Variants in PLCG1 observed in about 807,000 individuals in gnomAD.
The protein encoded by PLCG1 is 1-phosphatidylinositol 4,5-bisphosphate phosphodiesterase gamma-1.
PLCG1 carries 71 observed loss-of-function variants against 177.8 expected under a neutral mutation model. The ratio of observed to expected loss-of-function variants is 0.40; its 90% CI spans 0.33 to 0.49. The LOEUF (loss-of-function observed/expected upper bound fraction) is 0.49, where lower values mean the gene tolerates loss of function less well. Among genes scored for constraint, PLCG1 ranks in the 20% least tolerant of loss-of-function variants. The probability of loss-of-function intolerance (pLI) is 0.72; values close to 1 mark genes in which losing one functional copy is unlikely to be tolerated. For synonymous variants in PLCG1, 658 were observed against 647.9 expected, an observed-to-expected ratio of 1.02 and a Z score of -0.24; for missense variants, 1,281 against 1,709.0, an observed-to-expected ratio of 0.75 and a Z score of 4.42.
At position 41,172,808 on chromosome 20, in the gene PLCG1, G is replaced by A. The variant is rs746637044; in HGVS notation, c.3210G>A (p.Arg1070=). Residue 1070 remains arginine (R), a synonymous_variant, in exon 27 of 32, where the codon CGG becomes CGA. Coordinates refer to ENST00000685551, the MANE Select transcript of PLCG1 (RefSeq NM_002660.3). The surrounding 1 kb of genome is among the most constrained non-coding windows in gnomAD (Gnocchi z 7.0). The stretch of plus-strand genomic sequence containing the variant: ...ACGTGCTGCAGCCAAGCACCATGCG[G>A]GATGAGGCCTTCGACCCCTTTGACA... ...CGYVLQPSTM[R]DEAFDPFDKS... is the part of the protein sequence containing the mutation. 2 of 1,614,200 alleles carry A rather than the reference G, an allele frequency of 1.2e-6. No individual in the cohort carries two copies. The highest frequency in any genetic ancestry group is 1.1e-5 in the South Asian group (1 of 91,080).
Position 41,153,157 on chromosome 20 carries a change from A to G in PLCG1, c.218-6449A>G, listed in dbSNP as rs1842558437. Among the ~76,000 whole-genome samples the G allele has an allele frequency of 6.6e-6, 1 of 152,176 alleles. No homozygotes were observed. Among genetic ancestry groups the G allele is most frequent in the Non-Finnish European group, 1.5e-5 (1 of 68,036 alleles). ...TCTTTAGATTTTAAAGAGACCTTTC[A>G]TATTTACTATGAGTTGCAGTTTTTT... is the stretch of plus-strand genomic sequence containing the variant. On this transcript the variant is annotated intron_variant, in intron 1 of 31. Transcript: ENST00000685551. This position sits in a 1 kb window ranked among gnomAD's most constrained non-coding sequence, Gnocchi z 5.1.
At chr20:41,141,347 A>G (rs749060932) in intron 1 of PLCG1, among the ~76,000 whole-genome samples, 3 of 152,342 alleles carry the variant, frequency 2.0e-5, no homozygotes, top group Non-Finnish European at 2.9e-5. Context: ...AAAACAGGCA[A>G]TGACAATTGT....
chr20:41,162,411 G>A (rs1334899081), intron 4 of PLCG1, 41 bp from the exon 5 acceptor site: 2 of 1,507,226 alleles, frequency 1.3e-6, no homozygotes, highest in Admixed American at 1.7e-5. Context: ...GAGGTCATGA[G>A]AAGCTGGATG....
Position 41,172,127 on chromosome 20 carries a change from G to A in PLCG1, c.2809-66G>A. ...TGCAGTGTGGGCATGCCCAAGGTTG[G>A]CAGGGGCTTCCTTCTCCTGGGCAGG... On this transcript the variant is annotated intron_variant, in intron 24 of 31. Transcript: ENST00000685551. The surrounding 1 kb of genome is among the most constrained non-coding windows in gnomAD (Gnocchi z 7.0). 1 of 1,296,756 alleles carries A rather than the reference G, an allele frequency of 7.7e-7. No individual in the cohort carries two copies. The highest frequency in any genetic ancestry group is 1.1e-6 in the Non-Finnish European group (1 of 890,518). The allele number at this position is 1,296,756 out of a possible 1,614,324, so 80.3% of individuals were successfully genotyped here.
chr20:41,171,530 T>G (rs2035894947), intron 24 of PLCG1, among the ~76,000 whole-genome samples: 1 of 133,006 alleles, frequency 7.5e-6, no homozygotes, highest in Non-Finnish European at 1.5e-5. Context: ...GAGATTGCAG[T>G]GAGCCGAGAT....
rs2035543310 is a variant in PLCG1 at position 41,162,546 on chromosome 20, A to C, written c.597+10A>C. The stretch of plus-strand genomic sequence containing the variant: ...CCGAGAGCGGCTGACGGTAAGTGCC[A>C]CCCAGGGCTGTCTGTAGATGGGGGC... On this transcript the variant is annotated intron_variant, in intron 5 of 31. Transcript: ENST00000685551. 1 of 1,612,310 alleles carries C rather than the reference A, an allele frequency of 6.2e-7. No homozygotes were observed.
Position 41,159,202 on chromosome 20 carries a change from C to T in PLCG1, c.218-404C>T, listed in dbSNP as rs2035415118. On this transcript the variant is annotated intron_variant, in intron 1 of 31. Coordinates refer to ENST00000685551, the MANE Select transcript of PLCG1 (RefSeq NM_002660.3). This position sits in a 1 kb window ranked among gnomAD's most constrained non-coding sequence, Gnocchi z 6.0. ...CCAGGGATCCTGAGGCCCATCTTGACCTACCCAGCCCTGCCTCTGGGACTT... is the reference window on the plus strand; with the variant it reads ...CCAGGGATCCTGAGGCCCATCTTGATCTACCCAGCCCTGCCTCTGGGACTT... 6.6e-6 allele frequency among the ~76,000 whole-genome samples: 1 copy of T among 152,210 alleles called. No individual in the cohort carries two copies. Among genetic ancestry groups the T allele is most frequent in the Non-Finnish European group, 1.5e-5 (1 of 68,034 alleles).
chr20:41,149,121 T>A (rs1227306540), intron 1 of PLCG1, among the ~76,000 whole-genome samples: 4 of 152,248 alleles, frequency 2.6e-5, no homozygotes, highest in African/African-American at 4.8e-5. Flanking sequence ...CAGATGCTGC[T>A]GTTGCTCATC....
At chr20:41,161,512 A>G (rs1260638704) in intron 4 of PLCG1, among the ~76,000 whole-genome samples, 2 of 152,166 alleles carry the variant, frequency 1.3e-5, no homozygotes, top group East Asian at 1.9e-4. Flanking sequence ...AGTTGCAACC[A>G]GAAGGCCTCT....
rs755268015 is a variant in PLCG1 at position 41,169,157 on chromosome 20, C to T, written c.2562C>T (p.Ala854=). ...NYVEEMVNPV[A]LEPEREHLDE... is the part of the protein sequence containing the mutation. ...TGGAAGAGATGGTCAACCCCGTGGCCCTGGAGCCGGAGAGGGAGGTAAGAC... is the reference window on the plus strand; with the variant it reads ...TGGAAGAGATGGTCAACCCCGTGGCTCTGGAGCCGGAGAGGGAGGTAAGAC... Residue 854 remains alanine (A), a synonymous_variant, in exon 22 of 32, where the codon GCC becomes GCT. Coordinates refer to ENST00000685551, the MANE Select transcript of PLCG1 (RefSeq NM_002660.3). 2 of 1,612,942 alleles carry T rather than the reference C, an allele frequency of 1.2e-6. No homozygotes were observed. The highest frequency in any genetic ancestry group is 2.7e-5 in the African/African-American group (2 of 74,892).
At position 41,167,672 on chromosome 20, in the gene PLCG1, G is replaced by C. The variant is rs1216421952; in HGVS notation, c.2302-180G>C. 1.7e-6 allele frequency: 1 copy of C among 596,762 alleles called. No individual in the cohort carries two copies. The highest frequency in any genetic ancestry group is 3.0e-6 in the Non-Finnish European group (1 of 333,816). 37.0% of individuals were successfully genotyped at this position (596,762 alleles called of 1,614,324 possible). A position where few individuals can be genotyped will look rare whatever the true frequency, so the allele number is the denominator to read the frequency against. ...CATGTAAGAATGTGAAGAAAGGAAA[G>C]GGAACAGTGAGGCCGGGCCTGAGGC... On this transcript the variant is annotated intron_variant, in intron 19 of 31. Coordinates refer to ENST00000685551, the MANE Select transcript of PLCG1 (RefSeq NM_002660.3). The surrounding 1 kb of genome is among the most constrained non-coding windows in gnomAD (Gnocchi z 4.4).
chr20:41,162,926 G>T, intron 6 of PLCG1, 32 bp from the exon 7 acceptor site: 1 of 1,609,222 alleles, frequency 6.2e-7, no homozygotes, highest in Non-Finnish European at 8.5e-7. Context: ...CCTCCCAGGG[G>T]TCTTGCCCTG....
At chr20:41,161,017 C>CA (rs2035477667) in intron 4 of PLCG1, among the ~76,000 whole-genome samples, 1 of 152,092 alleles carries the variant, frequency 6.6e-6, no homozygotes, top group African/African-American at 2.4e-5. Context: ...AGTTTAGGTA[C>CA]ATACACAGTA....
rs998489862 is a variant in PLCG1 at position 41,176,713 on chromosome 20, A to G, written c.*2204A>G. On this transcript the variant is annotated 3_prime_UTR_variant, in exon 32 of 32. Coordinates refer to ENST00000685551, the MANE Select transcript of PLCG1 (RefSeq NM_002660.3). ...TGCAAATGTTTTGATTGTTCTTCCT[A>G]GTGGAAAACGTGCCAACTCTCAAGC... The G allele has an allele frequency of 6.6e-6, 1 of 152,096 alleles. No individual in the cohort carries two copies. Among genetic ancestry groups the G allele is most frequent in the East Asian group, 1.9e-4 (1 of 5,190 alleles). 9.4% of individuals were successfully genotyped at this position (152,096 alleles called of 1,614,324 possible).
chr20:41,170,132 A>C lies in PLCG1; in HGVS notation c.2671A>C (p.Asn891His). 6.2e-7 allele frequency: 1 copy of C among 1,613,472 alleles called. No individual in the cohort carries two copies. The highest frequency in any genetic ancestry group is 8.5e-7 in the Non-Finnish European group (1 of 1,179,592). The change falls in exon 24 of 32, where the codon AAC becomes CAC. Residue 891 changes from asparagine (N) to histidine (H), a missense_variant. Asn to His is a moderately conservative substitution (Grantham distance 68). Coordinates refer to ENST00000685551, the MANE Select transcript of PLCG1 (RefSeq NM_002660.3). ...CQIAIRPEGK[N>H]NRLFVFSISM... ...CCCAGCCATCCGTCCTGAGGGCAAGAACAACCGGCTCTTCGTCTTCTCCAT... is the reference window on the plus strand; with the variant it reads ...CCCAGCCATCCGTCCTGAGGGCAAGCACAACCGGCTCTTCGTCTTCTCCAT...
chr20:41,165,467 C>T lies in PLCG1; in HGVS notation c.1527C>T (p.Tyr509=), dbSNP rs1172141557. The change falls in exon 15 of 32, where the codon TAC becomes TAT. Residue 509 remains tyrosine (Y), a synonymous_variant. Coordinates refer to ENST00000685551, the MANE Select transcript of PLCG1 (RefSeq NM_002660.3). This position sits in a 1 kb window ranked among gnomAD's most constrained non-coding sequence, Gnocchi z 6.6. ...DPVNHEWYPH[Y]FVLTSSKIYY... is the part of the protein sequence containing the mutation. The stretch of plus-strand genomic sequence containing the variant: ...TGTTCCAGGAATGGTATCCCCACTA[C>T]TTTGTTCTGACCAGCAGCAAGATCT... The T allele has an allele frequency of 6.2e-7, 1 of 1,614,090 alleles. No homozygotes were observed. Among genetic ancestry groups the T allele is most frequent in the Non-Finnish European group, 8.5e-7 (1 of 1,179,974 alleles).
At chr20:41,162,385 C>A in intron 4 of PLCG1, 67 bp from the exon 5 acceptor site, 1 of 1,271,418 alleles carries the variant, frequency 7.9e-7, no homozygotes, top group Non-Finnish European at 1.1e-6. Flanking sequence ...CCCAGGTGGG[C>A]TCGACCCACA....
chr20:41,161,887 T>A (rs2035510328), intron 4 of PLCG1, among the ~76,000 whole-genome samples: 2 of 152,160 alleles, frequency 1.3e-5, no homozygotes, highest in Admixed American at 1.3e-4. Flanking sequence ...CCAGGCCCTG[T>A]CTAGCCCCAG....
chr20:41,158,823 T>C (rs985686312), intron 1 of PLCG1, among the ~76,000 whole-genome samples: 3 of 152,216 alleles, frequency 2.0e-5, no homozygotes, highest in Non-Finnish European at 2.9e-5. Flanking sequence ...GTCAAGCCCT[T>C]TGCTTTACAC....
Sources: gnomAD v4.1 joint callset for allele counts (sites outside exome capture counted in the v4.1 genomes callset) on GRCh38, gnomAD v4.1.1 for gene constraint, Gnocchi (gnomAD v3.1) non-coding constraint, MANE v1.5 for transcripts, NCBI Gene and HGNC (gene_info 2026-07-23, HGNC 2026-07-21) for gene names.